GRM8: variants seen among roughly 807,000 people sequenced by gnomAD.
The protein encoded by GRM8 is glutamate metabotropic receptor 8, also known as metabotropic glutamate receptor 8.
Under a neutral mutation model 87.2 loss-of-function variants are expected in GRM8, and 47 were observed. The observed-to-expected ratio is 0.54, with a 90% confidence interval of 0.43 to 0.69. GRM8 has a LOEUF of 0.69. GRM8 is among the 30% of genes least tolerant of loss of function. GRM8 has a pLI of 0.00. For missense variants in GRM8, 1,019 were observed against 1,139.2 expected, an observed-to-expected ratio of 0.89 and a Z score of 1.52; for synonymous variants, 396 against 404.5, an observed-to-expected ratio of 0.98 and a Z score of 0.25.
Position 127,120,398 on chromosome 7 carries a change from G to A in GRM8, c.511-13686C>T, listed in dbSNP as rs17865631. ...AACAGTATTGACTACAGTAACTGTG[G>A]TACTAAGTTTTCTCTACAATCTTGC... On this transcript the variant is annotated intron_variant, in intron 2 of 10. Transcript: ENST00000339582. 5.9e-3 allele frequency among the ~76,000 whole-genome samples: 895 copies of A among 152,240 alleles called. 4 individuals carry two copies. Among genetic ancestry groups the A allele is most frequent in the Non-Finnish European group, 0.011 (729 of 67,998 alleles).
At chr7:127,042,655 A>G (rs1818534680) in intron 3 of GRM8, among the ~76,000 whole-genome samples, 1 of 152,228 alleles carries the variant, frequency 6.6e-6, no homozygotes, top group Non-Finnish European at 1.5e-5. Context: ...AAAACCATAA[A>G]AACCCTAGAA....
intron 6 of GRM8, among the ~76,000 whole-genome samples, chr7:126,819,534 G>A (rs767131727): frequency 2.6e-5 from 4 of 152,014 alleles, no homozygotes; most frequent in Admixed American, 6.6e-5. Context: ...TCATCAAAGC[G>A]AAACTAATTC....
At chr7:126,900,331 T>C (rs1393969356) in intron 6 of GRM8, among the ~76,000 whole-genome samples, 1 of 152,170 alleles carries the variant, frequency 6.6e-6, no homozygotes, top group Non-Finnish European at 1.5e-5. Context: ...TAGACCTCCC[T>C]GATAGAGGTT....
chr7:127,165,141 GATATAT>G (rs3993578), intron 2 of GRM8, among the ~76,000 whole-genome samples: 1,127 of 66,458 alleles, frequency 0.017, 11 homozygotes, highest in Middle Eastern at 0.027. Flanking sequence ...CATGTAAACA[GATATAT>G]ATATATATAT....
At chr7:126,758,432 C>G (rs1172640461) in intron 7 of GRM8, among the ~76,000 whole-genome samples, 2 of 152,122 alleles carry the variant, frequency 1.3e-5, no homozygotes, top group Non-Finnish European at 2.9e-5. Context: ...GAGCTCATGT[C>G]TGTCTCTGAA....
intron 6 of GRM8, among the ~76,000 whole-genome samples, chr7:126,848,682 A>G (rs1477956528): frequency 1.3e-5 from 2 of 151,970 alleles, no homozygotes; most frequent in Non-Finnish European, 2.9e-5. Context: ...TTATCTGGGC[A>G]TGGTGGTGCA....
At chr7:126,474,213 T>C (rs922773798) in intron 9 of GRM8, among the ~76,000 whole-genome samples, 2 of 152,026 alleles carry the variant, frequency 1.3e-5, no homozygotes, top group Non-Finnish European at 1.5e-5. Flanking sequence ...GTATTTGAAA[T>C]ACACACACAC....
intron 2 of GRM8, among the ~76,000 whole-genome samples, chr7:127,121,196 G>A (rs17862299): frequency 1.1e-4 from 17 of 152,176 alleles, no homozygotes; most frequent in East Asian, 5.8e-4. Flanking sequence ...TTTCCTTTGC[G>A]CCCTCTACAT....
chr7:126,539,230 A>C (rs1341903277), intron 8 of GRM8, among the ~76,000 whole-genome samples: 1 of 152,210 alleles, frequency 6.6e-6, no homozygotes, highest in East Asian at 1.9e-4. Context: ...ACTTAGTAAA[A>C]GAAGCACATG....
intron 2 of GRM8, among the ~76,000 whole-genome samples, chr7:127,156,008 G>A (rs973851462): frequency 2.6e-5 from 4 of 152,274 alleles, no homozygotes; most frequent in South Asian, 4.1e-4. Flanking sequence ...GCCCATTGTT[G>A]TAAGATGTGG....
intron 7 of GRM8, among the ~76,000 whole-genome samples, chr7:126,615,474 CA>C (rs1799380164): frequency 6.6e-6 from 1 of 152,278 alleles, no homozygotes; most frequent in African/African-American, 2.4e-5. Context: ...AACTATTAAG[CA>C]AAATAACCAG....
chr7:126,903,032 T>G (rs2131211481), intron 5 of GRM8, among the ~76,000 whole-genome samples: 1 of 152,290 alleles, frequency 6.6e-6, no homozygotes, highest in East Asian at 1.9e-4. Flanking sequence ...GAACCCAACT[T>G]AAACTTGCCT....
chr7:127,194,917 C>T (rs1290985826), intron 2 of GRM8, among the ~76,000 whole-genome samples: 4 of 152,132 alleles, frequency 2.6e-5, no homozygotes, highest in African/African-American at 4.8e-5. Flanking sequence ...ATCCCCCTTC[C>T]CCCACCCCAG....
chr7:126,900,806 G>A (rs1171270605), intron 6 of GRM8, among the ~76,000 whole-genome samples: 1 of 152,028 alleles, frequency 6.6e-6, no homozygotes, highest in South Asian at 2.1e-4. Flanking sequence ...CACCGTGCCC[G>A]GCCCCTAGTT....
intron 6 of GRM8, among the ~76,000 whole-genome samples, chr7:126,855,291 C>T (rs1244298943): frequency 6.6e-6 from 1 of 152,072 alleles, no homozygotes; most frequent in Non-Finnish European, 1.5e-5. Context: ...GGATCATCTA[C>T]ATTGTGCTAG....
chr7:127,222,829 A>C (rs931985900), intron 2 of GRM8, among the ~76,000 whole-genome samples: 2 of 152,166 alleles, frequency 1.3e-5, no homozygotes, highest in Non-Finnish European at 2.9e-5. Context: ...ACAGGATTTG[A>C]ACCCAGGTCT....
chr7:126,932,689 C>T (rs1586505892), intron 3 of GRM8, among the ~76,000 whole-genome samples: 1 of 152,154 alleles, frequency 6.6e-6, no homozygotes, highest in East Asian at 1.9e-4. Context: ...GCACTTTCTT[C>T]TCTCCACTTT....
chr7:126,812,958 T>A (rs1189547985), intron 6 of GRM8, among the ~76,000 whole-genome samples: 4 of 152,152 alleles, frequency 2.6e-5, no homozygotes, highest in Middle Eastern at 3.4e-3. Context: ...AGCTTTGCTA[T>A]TGTGAATAGT....
chr7:126,922,205 TG>T (rs1358040450), intron 3 of GRM8, among the ~76,000 whole-genome samples: 1 of 152,056 alleles, frequency 6.6e-6, no homozygotes, highest in Non-Finnish European at 1.5e-5. Context: ...AGAATAGAAA[TG>T]GTATTTTAGT....
Sources: allele counts gnomAD v4.1 joint callset (sites outside exome capture counted in the v4.1 genomes callset), GRCh38; gene constraint gnomAD v4.1.1; transcripts MANE v1.5; gene names NCBI Gene and HGNC (gene_info 2026-07-23, HGNC 2026-07-21).